The following UNC5C variants were observed in gnomAD, a reference collection of about 807,000 sequenced individuals.
UNC5C encodes netrin receptor UNC5C.
Under a neutral mutation model 99.8 loss-of-function variants are expected in UNC5C, and 47 were observed. The ratio of observed to expected loss-of-function variants is 0.47; its 90% CI spans 0.37 to 0.60. UNC5C has a LOEUF of 0.60. UNC5C is among the 20% of genes least tolerant of loss of function. The pLI, the probability that UNC5C is intolerant of heterozygous loss-of-function variation, is 0.00. For synonymous variants in UNC5C, 487 were observed against 452.2 expected (o/e 1.08, Z -0.98); for missense variants, 1,062 against 1,165.9 (o/e 0.91, Z 1.30).
At chr4:95,209,107 G>C (rs753096720) in intron 10 of UNC5C, among the ~76,000 whole-genome samples, 1 of 152,174 alleles carries the variant, frequency 6.6e-6, no homozygotes, top group Non-Finnish European at 1.5e-5. Context: ...TAAGCTCATA[G>C]ATCCTTTTCT....
At chr4:95,459,283 T>C (rs1747531064) in intron 1 of UNC5C, among the ~76,000 whole-genome samples, 1 of 152,140 alleles carries the variant, frequency 6.6e-6, no homozygotes. Flanking sequence ...CATATGGCAT[T>C]GTGATTGTTA....
intron 5 of UNC5C, among the ~76,000 whole-genome samples, chr4:95,245,906 G>A (rs1488559989): frequency 6.6e-6 from 1 of 152,046 alleles, no homozygotes; most frequent in East Asian, 1.9e-4. Flanking sequence ...GTACAATATT[G>A]TAATTAAACA....
intron 14 of UNC5C, among the ~76,000 whole-genome samples, chr4:95,171,848 C>G (rs1391751895): frequency 6.6e-6 from 1 of 151,952 alleles, no homozygotes; most frequent in Non-Finnish European, 1.5e-5. Flanking sequence ...AGTTTACAGT[C>G]CCACCAACAG....
intron 1 of UNC5C, among the ~76,000 whole-genome samples, chr4:95,529,022 T>G (rs1034349100): frequency 2.6e-5 from 4 of 152,078 alleles, no homozygotes; most frequent in African/African-American, 9.7e-5. Context: ...TCCAAAATAT[T>G]TTTATTCATT....
At chr4:95,528,917 T>A (rs2149492311) in intron 1 of UNC5C, among the ~76,000 whole-genome samples, 1 of 152,272 alleles carries the variant, frequency 6.6e-6, no homozygotes, top group Middle Eastern at 3.4e-3. Flanking sequence ...TTAAAGGCAA[T>A]GAAAGTTGTT....
At chr4:95,393,516 G>C (rs537400375) in intron 1 of UNC5C, among the ~76,000 whole-genome samples, 3 of 152,254 alleles carry the variant, frequency 2.0e-5, no homozygotes, top group African/African-American at 4.8e-5. Context: ...TTCTAAGTTA[G>C]AGTAATTCCA....
At chr4:95,219,447 C>T (rs1560738392) in intron 8 of UNC5C, 134 bp from the exon 9 acceptor site, 23 of 798,610 alleles carry the variant, frequency 2.9e-5, no homozygotes, top group Non-Finnish European at 3.2e-5. Flanking sequence ...TAGACAGGCT[C>T]TACTGAAAAC....
chr4:95,262,858 A>G (rs189131384), intron 4 of UNC5C, among the ~76,000 whole-genome samples: 4 of 151,686 alleles, frequency 2.6e-5, no homozygotes, highest in Admixed American at 2.6e-4. Context: ...TCTGTCGCCC[A>G]GGCTGGAGTG....
At chr4:95,178,762 T>G (rs529620232) in intron 14 of UNC5C, among the ~76,000 whole-genome samples, 14 of 152,198 alleles carry the variant, frequency 9.2e-5, no homozygotes, top group Non-Finnish European at 1.6e-4. Context: ...GTCCCCATTT[T>G]CTTGTGGATA....
intron 1 of UNC5C, among the ~76,000 whole-genome samples, chr4:95,382,060 G>T (rs1745088244): frequency 6.6e-6 from 1 of 152,100 alleles, no homozygotes. Flanking sequence ...ATCCACAATT[G>T]GTGCTAATGA....
chr4:95,366,787 A>C (rs559852754), intron 1 of UNC5C, among the ~76,000 whole-genome samples: 1 of 152,174 alleles, frequency 6.6e-6, no homozygotes, highest in African/African-American at 2.4e-5. Context: ...TCACATTAAA[A>C]CAGCAGAGCT....
chr4:95,258,423 C>T (rs1740087364), intron 4 of UNC5C, among the ~76,000 whole-genome samples: 1 of 151,984 alleles, frequency 6.6e-6, no homozygotes, highest in Non-Finnish European at 1.5e-5. Context: ...TTTTTAGTTA[C>T]ATAAAAATAT....
At chr4:95,484,971 T>C (rs1721281237) in intron 1 of UNC5C, among the ~76,000 whole-genome samples, 2 of 151,918 alleles carry the variant, frequency 1.3e-5, no homozygotes, top group South Asian at 4.1e-4. Context: ...AAAACAATGC[T>C]TAAAATGACA....
intron 1 of UNC5C, among the ~76,000 whole-genome samples, chr4:95,421,145 A>C (rs1746306916): frequency 6.6e-6 from 1 of 152,166 alleles, no homozygotes; most frequent in African/African-American, 2.4e-5. Context: ...TATCCAAACA[A>C]ATTATACTGG....
chr4:95,525,161 A>C (rs1013469693), intron 1 of UNC5C, among the ~76,000 whole-genome samples: 3 of 152,206 alleles, frequency 2.0e-5, no homozygotes, highest in Non-Finnish European at 4.4e-5. Flanking sequence ...AAGAGCAGCA[A>C]TTCTGAGAAT....
At chr4:95,447,351 T>C (rs944752341) in intron 1 of UNC5C, among the ~76,000 whole-genome samples, 1 of 152,180 alleles carries the variant, frequency 6.6e-6, no homozygotes, top group African/African-American at 2.4e-5. Flanking sequence ...TTACATGTTT[T>C]AAGCTTCAAA....
intron 4 of UNC5C, among the ~76,000 whole-genome samples, chr4:95,265,488 A>G (rs1331507082): frequency 1.3e-5 from 2 of 152,176 alleles, no homozygotes; most frequent in Non-Finnish European, 2.9e-5. Context: ...AAAAATTTTC[A>G]TTATTTATGA....
intron 12 of UNC5C, among the ~76,000 whole-genome samples, chr4:95,197,303 G>T (rs1292227156): frequency 2.0e-5 from 3 of 151,426 alleles, no homozygotes; most frequent in African/African-American, 7.3e-5. Flanking sequence ...TACTCCACTG[G>T]GCTTCTATCT....
intron 14 of UNC5C, among the ~76,000 whole-genome samples, chr4:95,171,602 T>G (rs1736112934): frequency 6.6e-6 from 1 of 152,060 alleles, no homozygotes; most frequent in Non-Finnish European, 1.5e-5. Context: ...TATTCCATGG[T>G]GTATATGTGC....
Sources: allele counts gnomAD v4.1 joint callset (sites outside exome capture counted in the v4.1 genomes callset), GRCh38; gene constraint gnomAD v4.1.1; transcripts MANE v1.5; gene names NCBI Gene and HGNC (gene_info 2026-07-23, HGNC 2026-07-21).